The following DENND1B variants were observed in gnomAD, a reference collection of about 807,000 sequenced individuals.
DENND1B encodes the protein DENN domain containing 1B, also known as DENN domain-containing protein 1B.
DENND1B carries 59 observed loss-of-function variants against 90.1 expected under a neutral mutation model. The observed-to-expected ratio is 0.65, with a 90% CI of 0.53 to 0.81. The LOEUF is 0.81. DENND1B is among the 40% of genes least tolerant of loss of function. The pLI is 0.00. For synonymous variants in DENND1B, 337 were observed against 324.6 expected (o/e 1.04, Z -0.41); for missense variants, 862 against 912.6 (o/e 0.94, Z 0.71).
At chr1:197,716,799 CTA>C (rs757728948) in intron 2 of DENND1B, among the ~76,000 whole-genome samples, 22 of 151,870 alleles carry the variant, frequency 1.4e-4, no homozygotes, top group Admixed American at 7.2e-4. Flanking sequence ...TTTGTAATTA[CTA>C]TTTGAGAAGA....
intron 2 of DENND1B, among the ~76,000 whole-genome samples, chr1:197,771,085 T>C (rs1329695667): frequency 6.6e-6 from 1 of 151,556 alleles, no homozygotes; most frequent in Non-Finnish European, 1.5e-5. Flanking sequence ...ATAATTTTGG[T>C]ATTTTTAGTA....
intron 3 of DENND1B, among the ~76,000 whole-genome samples, chr1:197,678,218 C>T (rs573344620): frequency 1.3e-5 from 2 of 152,194 alleles, no homozygotes; most frequent in South Asian, 2.1e-4. Context: ...CAGAGAAATA[C>T]GAGTGAAGTA....
chr1:197,742,564 C>T (rs1489229128), intron 2 of DENND1B, among the ~76,000 whole-genome samples: 2 of 152,066 alleles, frequency 1.3e-5, no homozygotes, highest in Non-Finnish European at 2.9e-5. Flanking sequence ...TAAAGTAAAA[C>T]TGTACAAAAT....
intron 3 of DENND1B, among the ~76,000 whole-genome samples, chr1:197,682,528 C>T (rs960761172): frequency 5.9e-5 from 9 of 151,922 alleles, no homozygotes; most frequent in African/African-American, 2.2e-4. Flanking sequence ...ATAGCAATCG[C>T]GGCTAATAAC....
intron 7 of DENND1B, among the ~76,000 whole-genome samples, chr1:197,651,470 A>G (rs1325104260): frequency 6.6e-6 from 1 of 151,992 alleles, no homozygotes; most frequent in African/African-American, 2.4e-5. Flanking sequence ...ACTAGAAGAC[A>G]TATTACTGTA....
upstream of DENND1B, among the ~76,000 whole-genome samples, chr1:197,780,672 C>A (rs1034167543): frequency 6.6e-6 from 1 of 152,100 alleles, no homozygotes; most frequent in Non-Finnish European, 1.5e-5. Flanking sequence ...CACTTGATTG[C>A]CTGCTCTTCA....
At chr1:197,759,726 G>C (rs1654777838) in intron 2 of DENND1B, among the ~76,000 whole-genome samples, 1 of 123,834 alleles carries the variant, frequency 8.1e-6, no homozygotes, top group Non-Finnish European at 1.6e-5. Flanking sequence ...CTGGGTGATT[G>C]AGCAAGACTC....
chr1:197,742,689 T>G (rs1289948528), intron 2 of DENND1B, among the ~76,000 whole-genome samples: 1 of 152,192 alleles, frequency 6.6e-6, no homozygotes, highest in Non-Finnish European at 1.5e-5. Flanking sequence ...TTCAGAACTG[T>G]AGCACACAAA....
At chr1:197,553,697 C>T (rs932548657) in intron 15 of DENND1B, among the ~76,000 whole-genome samples, 1 of 152,010 alleles carries the variant, frequency 6.6e-6, no homozygotes, top group Non-Finnish European at 1.5e-5. Context: ...CATAATAGAG[C>T]ACCAAATAAT....
At chr1:197,780,009 G>A (rs935241350), upstream of DENND1B, among the ~76,000 whole-genome samples, 1 of 152,120 alleles carries the variant, frequency 6.6e-6, no homozygotes, top group Non-Finnish European at 1.5e-5. Context: ...TTTACTGCTG[G>A]TAGATGCTTG....
intron 20 of DENND1B, among the ~76,000 whole-genome samples, chr1:197,514,570 T>C (rs1477772498): frequency 1.3e-5 from 2 of 151,634 alleles, no homozygotes; most frequent in African/African-American, 2.4e-5. Flanking sequence ...TTCAAAATAA[T>C]TTAATGGTGG....
chr1:197,554,271 A>G lies in DENND1B; in HGVS notation c.1150-1159T>C, dbSNP rs575934959. Among the ~76,000 whole-genome samples, 9 of 152,162 alleles carry G rather than the reference A, an allele frequency of 5.9e-5. No homozygotes were observed. The East Asian group carries it at 9.7e-4, about 16-fold the overall frequency. ...TATCTTTAAGTCTTCCTTGCTTAAG[A>G]GGCAGGGGATAACATAGGAAAGATT... is the stretch of plus-strand genomic sequence containing the variant. On this transcript the variant is annotated intron_variant, in intron 15 of 22. Transcript: ENST00000620048.
chr1:197,585,069 GTA>G (rs1361371446), intron 14 of DENND1B, among the ~76,000 whole-genome samples: 1 of 152,068 alleles, frequency 6.6e-6, no homozygotes, highest in African/African-American at 2.4e-5. Context: ...GATCACAAAT[GTA>G]CTATATTTTC....
intron 6 of DENND1B, 76 bp downstream of exon 6, chr1:197,658,224 T>G (rs1483288508): frequency 5.0e-6 from 6 of 1,207,272 alleles, no homozygotes; most frequent in Non-Finnish European, 6.1e-6. Context: ...ACTATACACT[T>G]AAAAATGGTT....
chr1:197,540,192 A>C, intron 19 of DENND1B, 121 bp from the exon 20 acceptor site: 1 of 462,726 alleles, frequency 2.2e-6, no homozygotes, highest in Non-Finnish European at 3.7e-6. Flanking sequence ...TTCAGCTTTA[A>C]GTGTAAAGAA....
chr1:197,753,030 A>G (rs1045382304), intron 2 of DENND1B, among the ~76,000 whole-genome samples: 2 of 152,040 alleles, frequency 1.3e-5, no homozygotes, highest in Non-Finnish European at 1.5e-5. Context: ...AATCCAGTCT[A>G]TCATTGACGG....
chr1:197,525,250 TA>T (rs1235617121), intron 20 of DENND1B, among the ~76,000 whole-genome samples: 2 of 152,172 alleles, frequency 1.3e-5, no homozygotes, highest in African/African-American at 4.8e-5. Flanking sequence ...ATTGTTTCAT[TA>T]TTTTTTTCTG....
At chr1:197,562,157 A>C (rs1278549240) in intron 15 of DENND1B, among the ~76,000 whole-genome samples, 4 of 151,880 alleles carry the variant, frequency 2.6e-5, no homozygotes, top group Non-Finnish European at 4.4e-5. Flanking sequence ...ATTAGTTTTA[A>C]ATTATAATTT....
intron 2 of DENND1B, among the ~76,000 whole-genome samples, chr1:197,756,972 A>T (rs1449290620): frequency 6.6e-6 from 1 of 150,462 alleles, no homozygotes; most frequent in Non-Finnish European, 1.5e-5. Flanking sequence ...CTATGCCATT[A>T]TATGTTAAAT....
Sources: allele counts gnomAD v4.1 joint callset (sites outside exome capture counted in the v4.1 genomes callset), GRCh38; gene constraint gnomAD v4.1.1; transcripts MANE v1.5; gene names NCBI Gene and HGNC (gene_info 2026-07-23, HGNC 2026-07-21).